The following CPEB3 variants were observed in gnomAD, a reference collection of about 807,000 sequenced individuals.
CPEB3 encodes cytoplasmic polyadenylation element-binding protein 3.
CPEB3 carries 20 observed loss-of-function variants against 67.2 expected under a neutral mutation model. That is an observed-to-expected ratio of 0.30 (90% CI 0.21 to 0.43). The LOEUF is 0.43. Among genes scored for constraint, CPEB3 ranks in the 20% least tolerant of loss-of-function variants. CPEB3 has a pLI of 1.00. For missense variants in CPEB3, 746 were observed against 968.6 expected, an observed-to-expected ratio of 0.77 and a Z score of 3.05; for synonymous variants, 376 against 393.1, an observed-to-expected ratio of 0.96 and a Z score of 0.51.
chr10:92,239,118 C>A lies in CPEB3; in HGVS notation c.1005+228G>T, dbSNP rs893712172. On this transcript the variant is annotated intron_variant, in intron 2 of 9. Coordinates refer to ENST00000265997, the MANE Select transcript of CPEB3 (RefSeq NM_014912.5). The surrounding 1 kb of genome is among the most constrained non-coding windows in gnomAD (Gnocchi z 6.0). ...AAAATAAACTAAAAGAAAAAGGCTT[C>A]TTCTACCCTGAAGGGACGAATACGA... 7.2e-5 allele frequency among the ~76,000 whole-genome samples: 11 copies of A among 152,324 alleles called. No homozygotes were observed. The highest frequency in any genetic ancestry group is 1.2e-4 in the Non-Finnish European group (8 of 68,036).
intron 6 of CPEB3, among the ~76,000 whole-genome samples, chr10:92,131,199 AT>A (rs1330947314): frequency 1.3e-5 from 2 of 152,144 alleles, no homozygotes; most frequent in African/African-American, 4.8e-5. Flanking sequence ...AGGAGATTAG[AT>A]TCTCTTCTTG....
In CPEB3 at chr10:92,141,740, C is replaced by T. The variant is rs1268486790; in HGVS notation, c.1453+1289G>A. On this transcript the variant is annotated intron_variant, in intron 6 of 9. Coordinates refer to ENST00000265997, the MANE Select transcript of CPEB3 (RefSeq NM_014912.5). ...GAAAACATACCAAAAAAAAAAAGGC[C>T]GGGCATGGTGGCTCACGCCTGTAAT... Among the ~76,000 whole-genome samples, 18 of 150,546 alleles carry T rather than the reference C, an allele frequency of 1.2e-4. No individual in the cohort carries two copies. In the East Asian group the frequency reaches 1.6e-3, roughly 13 times the overall value.
chr10:92,253,423 G>A (rs1472748130), intron 1 of CPEB3, among the ~76,000 whole-genome samples: 2 of 121,966 alleles, frequency 1.6e-5, no homozygotes, highest in South Asian at 2.6e-4. Flanking sequence ...TCGCACCACC[G>A]CACTCCAGCC....
intron 9 of CPEB3, among the ~76,000 whole-genome samples, chr10:92,053,491 G>C: frequency 6.7e-6 from 1 of 150,148 alleles, no homozygotes; most frequent in Non-Finnish European, 1.5e-5. Flanking sequence ...AGCCTCGCGA[G>C]TAGCTGGGAT....
chr10:92,189,763 C>T lies in CPEB3; in HGVS notation c.1165+2714G>A, dbSNP rs1478242600. ...CTCGCTCTGTCGCCAGGCTGCAGTA[C>T]AGTGGCGCAATCTCGGTCACTGCAA... On this transcript the variant is annotated intron_variant, in intron 3 of 9. Transcript: ENST00000265997. Among the ~76,000 whole-genome samples, 42 of 126,348 alleles carry T rather than the reference C, an allele frequency of 3.3e-4. 1 individual carries two copies. The highest frequency in any genetic ancestry group is 1.3e-4 in the Non-Finnish European group (8 of 63,710). 82.9% of individuals were successfully genotyped at this position (126,348 alleles called of 152,430 possible).
chr10:92,137,529 G>T, intron 6 of CPEB3: 1 of 827,778 alleles, frequency 1.2e-6, no homozygotes. Flanking sequence ...TGACCAAGAA[G>T]TTCATAAGGG....
rs767414848 is a variant in CPEB3 at position 92,240,274 on chromosome 10, GGCTGCTGCTGCTGCC to G, written c.62_76del (p.Arg21_Gln25del). On this transcript the variant is annotated inframe_deletion, in exon 2 of 10. Coordinates refer to ENST00000265997, the MANE Select transcript of CPEB3 (RefSeq NM_014912.5). Reference sequence around the variant, plus strand: ...TTCGGATACGCTGGACTCAGGTTGGGGCTGCTGCTGCTGCCGCTGCTGCTGCTGGGGCTGGGGCTG... The same window carrying G: ...TTCGGATACGCTGGACTCAGGTTGGGGCTGCTGCTGCTGGGGCTGGGGCTG... 8 of 1,518,502 alleles carry G rather than the reference GGCTGCTGCTGCTGCC, an allele frequency of 5.3e-6. No individual in the cohort carries two copies. Among genetic ancestry groups the G allele is most frequent in the Admixed American group, 4.4e-5 (2 of 45,106 alleles). The allele number at this position is 1,518,502 out of a possible 1,614,324, so 94.1% of individuals were successfully genotyped here.
At chr10:92,211,922 A>G (rs1850109516) in intron 2 of CPEB3, among the ~76,000 whole-genome samples, 1 of 151,100 alleles carries the variant, frequency 6.6e-6, no homozygotes. Context: ...GCTGGAGTGC[A>G]GTGGTGCCAT....
At chr10:92,062,471 C>T (rs1291170165) in intron 9 of CPEB3, among the ~76,000 whole-genome samples, 1 of 152,000 alleles carries the variant, frequency 6.6e-6, no homozygotes, top group Non-Finnish European at 1.5e-5. Flanking sequence ...GTGGATTCAC[C>T]CACATGACTA....
chr10:92,203,077 G>T (rs901575875), intron 2 of CPEB3, among the ~76,000 whole-genome samples: 1 of 151,178 alleles, frequency 6.6e-6, no homozygotes, highest in South Asian at 2.1e-4. Context: ...CAGTAGCTGG[G>T]ATTACAGGCA....
chr10:92,175,516 T>C (rs1042762882), intron 4 of CPEB3, among the ~76,000 whole-genome samples: 3 of 152,130 alleles, frequency 2.0e-5, no homozygotes, highest in African/African-American at 7.2e-5. Flanking sequence ...AACTGTCAAA[T>C]TGTTTTCCAA....
At chr10:92,157,487 G>A (rs1847261321) in intron 4 of CPEB3, among the ~76,000 whole-genome samples, 1 of 152,144 alleles carries the variant, frequency 6.6e-6, no homozygotes, top group Non-Finnish European at 1.5e-5. Context: ...GAGAATGCAA[G>A]TTTTATGGGG....
chr10:92,108,472 G>A lies in CPEB3; in HGVS notation c.1572+2604C>T, dbSNP rs532083217. The stretch of plus-strand genomic sequence containing the variant: ...GTGGTGGTGGGGTGGTAGATGTGGA[G>A]CTAAAACCAAGTAAGAGAAGTTTTC... On this transcript the variant is annotated intron_variant, in intron 7 of 9. Transcript: ENST00000265997. Among the ~76,000 whole-genome samples the A allele has an allele frequency of 7.5e-4, 114 of 152,308 alleles. 1 individual carries two copies. The highest frequency in any genetic ancestry group is 2.6e-3 in the African/African-American group (110 of 41,556).
At chr10:92,233,247 G>A (rs893734401) in intron 2 of CPEB3, among the ~76,000 whole-genome samples, 1 of 152,060 alleles carries the variant, frequency 6.6e-6, no homozygotes, top group African/African-American at 2.4e-5. Context: ...AGAAAGTGGG[G>A]GCCAGATGCG....
intron 6 of CPEB3, chr10:92,138,262 G>A (rs759260405): frequency 4.5e-6 from 1 of 222,190 alleles, no homozygotes; most frequent in Admixed American, 4.1e-5. Flanking sequence ...CCATAAGGGT[G>A]TGGCTATTAA....
intron 6 of CPEB3, chr10:92,137,297 T>C: frequency 1.5e-6 from 1 of 670,120 alleles, no homozygotes; most frequent in Non-Finnish European, 2.6e-6. Flanking sequence ...AAACTACAGA[T>C]GGAAGTTCCC....
intron 1 of CPEB3, among the ~76,000 whole-genome samples, chr10:92,289,747 A>G: frequency 8.7e-6 from 1 of 115,370 alleles, no homozygotes; most frequent in Non-Finnish European, 1.6e-5. Flanking sequence ...ATATATATAT[A>G]TATATATATA....
intron 2 of CPEB3, among the ~76,000 whole-genome samples, chr10:92,217,228 A>T (rs1388364224): frequency 7.3e-6 from 1 of 137,414 alleles, no homozygotes; most frequent in African/African-American, 3.0e-5. Flanking sequence ...AAAAAAAAAA[A>T]AAAAAATTAT....
intron 6 of CPEB3, among the ~76,000 whole-genome samples, chr10:92,118,055 A>G (rs1845131119): frequency 1.3e-5 from 2 of 152,250 alleles, no homozygotes. Flanking sequence ...AAATGGCAAG[A>G]TAAACTTTTA....
Sources: gnomAD v4.1 joint callset for allele counts (sites outside exome capture counted in the v4.1 genomes callset) on GRCh38, gnomAD v4.1.1 for gene constraint, Gnocchi (gnomAD v3.1) non-coding constraint, MANE v1.5 for transcripts, NCBI Gene and HGNC (gene_info 2026-07-23, HGNC 2026-07-21) for gene names.